Variants in CARS2 observed in about 807,000 individuals in gnomAD.
The protein encoded by CARS2 is probable cysteine--tRNA ligase, mitochondrial.
CARS2 carries 52 observed loss-of-function variants against 68.8 expected under a neutral mutation model. The observed-to-expected ratio is 0.76, with a 90% CI of 0.61 to 0.95. The LOEUF is 0.95. Among genes scored for constraint, CARS2 ranks in the 40% least tolerant of loss-of-function variants. The pLI is 0.00. For synonymous variants in CARS2, 314 were observed against 303.6 expected (o/e 1.03, Z -0.36); for missense variants, 780 against 754.2 (o/e 1.03, Z -0.40).
At chr13:110,672,925 A>G (rs1241545198) in intron 7 of CARS2, among the ~76,000 whole-genome samples, 1 of 152,264 alleles carries the variant, frequency 6.6e-6, no homozygotes, top group Non-Finnish European at 1.5e-5. Flanking sequence ...CCATCAGAGA[A>G]TACTATAAAC....
At chr13:110,687,877 C>G in intron 4 of CARS2, 51 bp from the exon 5 acceptor site, 1 of 1,555,256 alleles carries the variant, frequency 6.4e-7, no homozygotes, top group South Asian at 1.1e-5. Flanking sequence ...AAGCACAGGT[C>G]AGCCAGCACC....
intron 7 of CARS2, among the ~76,000 whole-genome samples, chr13:110,671,804 T>G (rs2139783798): frequency 6.6e-6 from 1 of 152,302 alleles, no homozygotes; most frequent in South Asian, 2.1e-4. Context: ...ATCAGTGTGC[T>G]GTATTCAGGA....
In CARS2 at chr13:110,670,502, T is replaced by C. The variant is rs891902830; in HGVS notation, c.786-3029A>G. Reference sequence around the variant, plus strand: ...ACCTGCAGCTGAGGGTCCTGACTGTTAGAAGGAAAACTAACAAACAGAAAG... The same window carrying C: ...ACCTGCAGCTGAGGGTCCTGACTGTCAGAAGGAAAACTAACAAACAGAAAG... On this transcript the variant is annotated intron_variant, in intron 7 of 14. Transcript: ENST00000257347. The surrounding 1 kb of genome is among the most constrained non-coding windows in gnomAD (Gnocchi z 4.1). Among the ~76,000 whole-genome samples, 6 of 152,080 alleles carry C rather than the reference T, an allele frequency of 3.9e-5. No homozygotes were observed. Among genetic ancestry groups the C allele is most frequent in the African/African-American group, 1.4e-4 (6 of 41,390 alleles).
At chr13:110,664,724 G>T (rs2062600607) in intron 8 of CARS2, 1 of 837,318 alleles carries the variant, frequency 1.2e-6, no homozygotes, top group East Asian at 1.2e-4. Flanking sequence ...AAAATCCTCA[G>T]CCCTCAGGTG....
chr13:110,675,173 A>G (rs1214330280), intron 7 of CARS2, among the ~76,000 whole-genome samples: 2 of 152,234 alleles, frequency 1.3e-5, no homozygotes, highest in East Asian at 1.9e-4. Context: ...ATCTAGAACT[A>G]GAAATACCAT....
At chr13:110,663,988 C>T (rs989638461) in intron 8 of CARS2, 1 of 988,098 alleles carries the variant, frequency 1.0e-6, no homozygotes, top group East Asian at 1.1e-4. Context: ...TGGGAAGAAT[C>T]AGAGGTCCTG....
rs74988838 is a variant in CARS2, at chr13:110,668,779, G to A, written c.786-1306C>T. 2.6e-5 allele frequency among the ~76,000 whole-genome samples: 4 copies of A among 152,158 alleles called. No homozygotes were observed. Among genetic ancestry groups the A allele is most frequent in the South Asian group, 2.1e-4 (1 of 4,832 alleles). On this transcript the variant is annotated intron_variant, in intron 7 of 14. Transcript: ENST00000257347. The surrounding 1 kb of genome is among the most constrained non-coding windows in gnomAD (Gnocchi z 4.1). ...CCACAACCTTCACTATGTTAGTTTCGCTCCTGATCTCTACGTTACACCTAT... is the reference window on the plus strand; with the variant it reads ...CCACAACCTTCACTATGTTAGTTTCACTCCTGATCTCTACGTTACACCTAT...
Position 110,665,436 on chromosome 13 carries a change from A to T in CARS2, c.919+1904T>A, listed in dbSNP as rs1489413938. 1.0e-6 allele frequency: 1 copy of T among 985,296 alleles called. No individual in the cohort carries two copies. The highest frequency in any genetic ancestry group is 1.2e-6 in the Non-Finnish European group (1 of 829,918). The allele number at this position is 985,296 out of a possible 1,614,324, so 61.0% of individuals were successfully genotyped here. A position where few individuals can be genotyped will look rare whatever the true frequency, so the allele number is the denominator to read the frequency against. The stretch of plus-strand genomic sequence containing the variant: ...ACTCCCAGGCTGGGGGACGGAGCGA[A>T]ATTGTTTCAACAACAACAGCAAATG... On this transcript the variant is annotated intron_variant, in intron 8 of 14. Transcript: ENST00000257347. The surrounding 1 kb of genome is among the most constrained non-coding windows in gnomAD (Gnocchi z 4.3).
At position 110,676,354 on chromosome 13, in the gene CARS2, G is replaced by A. The variant is rs369818048; in HGVS notation, c.785+620C>T. Among the ~76,000 whole-genome samples the A allele has an allele frequency of 6.3e-4, 96 of 152,322 alleles. No individual in the cohort carries two copies. The highest frequency in any genetic ancestry group is 2.2e-3 in the African/African-American group (91 of 41,574). ...GCGGAGAAAGCTCTACTGAGAGGCAGAAACCAGGACAGAGAGGGTGTTTCC... is the reference window on the plus strand; with the variant it reads ...GCGGAGAAAGCTCTACTGAGAGGCAAAAACCAGGACAGAGAGGGTGTTTCC... On this transcript the variant is annotated intron_variant, in intron 7 of 14. Coordinates refer to ENST00000257347, the MANE Select transcript of CARS2 (RefSeq NM_024537.4). The surrounding 1 kb of genome is among the most constrained non-coding windows in gnomAD (Gnocchi z 4.0).
intron 5 of CARS2, among the ~76,000 whole-genome samples, chr13:110,684,560 C>T (rs1021792205): frequency 1.3e-5 from 2 of 151,238 alleles, no homozygotes; most frequent in African/African-American, 4.9e-5. Context: ...TTTGCCCAAG[C>T]CACACTGGCC....
At chr13:110,713,364 A>G in exon 1 of CARS2, 1 of 1,066,628 alleles carries the variant, frequency 9.4e-7, no homozygotes, top group Non-Finnish European at 1.1e-6. Flanking sequence ...TCAGCGAAGC[A>G]GGCCGCTCCC....
intron 8 of CARS2, chr13:110,664,968 G>C (rs1217924282): frequency 6.2e-6 from 6 of 974,224 alleles, no homozygotes; most frequent in African/African-American, 1.8e-5. Context: ...CTTTCAGTTT[G>C]GCTATAGCAG....
At chr13:110,692,939 A>G (rs1190875595) in intron 3 of CARS2, among the ~76,000 whole-genome samples, 1 of 151,466 alleles carries the variant, frequency 6.6e-6, no homozygotes, top group Non-Finnish European at 1.5e-5. Context: ...GTGAAACCCC[A>G]TCTCTACTAA....
chr13:110,642,199 C>T (rs1887432792), intron 14 of CARS2, 116 bp downstream of exon 14: 2 of 801,056 alleles, frequency 2.5e-6, no homozygotes. Flanking sequence ...AAGAGTGAAA[C>T]TCCGTCTCAA....
chr13:110,647,041 C>T (rs1371249364), intron 11 of CARS2, 60 bp downstream of exon 11: 4 of 1,492,280 alleles, frequency 2.7e-6, no homozygotes, highest in African/African-American at 1.4e-5. Context: ...AAGAGCCCAC[C>T]AGCAGCACCC....
intron 9 of CARS2, 63 bp from the exon 10 acceptor site, chr13:110,651,163 A>T: frequency 1.8e-6 from 2 of 1,128,198 alleles, no homozygotes; most frequent in Non-Finnish European, 2.6e-6. Flanking sequence ...TGTTCAGAGA[A>T]TATGTTACTT....
intron 9 of CARS2, among the ~76,000 whole-genome samples, chr13:110,658,043 T>C (rs1162428011): frequency 6.6e-6 from 1 of 152,066 alleles, no homozygotes; most frequent in Non-Finnish European, 1.5e-5. Context: ...GACAACACAA[T>C]GAAACAGACA....
At chr13:110,707,147 CTG>C (rs1338366033), upstream of CARS2, among the ~76,000 whole-genome samples, 1 of 151,248 alleles carries the variant, frequency 6.6e-6, no homozygotes, top group East Asian at 1.9e-4. Context: ...CCAGCAAACA[CTG>C]TCTGCATTCC....
intron 5 of CARS2, among the ~76,000 whole-genome samples, chr13:110,684,653 T>C (rs984932486): frequency 1.3e-5 from 2 of 150,424 alleles, no homozygotes; most frequent in African/African-American, 2.4e-5. Flanking sequence ...GGGTTGACCA[T>C]TAAGCTGGCA....
Sources: gnomAD v4.1 joint callset for allele counts (sites outside exome capture counted in the v4.1 genomes callset) on GRCh38, gnomAD v4.1.1 for gene constraint, Gnocchi (gnomAD v3.1) non-coding constraint, MANE v1.5 for transcripts, NCBI Gene and HGNC (gene_info 2026-07-23, HGNC 2026-07-21) for gene names.